Variants in SCP2 observed in about 807,000 individuals in gnomAD.
The protein encoded by SCP2 is SCP-2/3-oxoacyl-CoA thiolase.
In SCP2, 48 loss-of-function variants were observed where a neutral mutation model predicts 71.4. The ratio of observed to expected loss-of-function variants is 0.67; its 90% CI spans 0.53 to 0.86. The LOEUF is 0.86. Ranked by LOEUF, SCP2 falls within the 40% of genes least tolerant of loss-of-function variation. The probability of loss-of-function intolerance (pLI) is 0.00; values close to 1 mark genes in which losing one functional copy is unlikely to be tolerated. For synonymous variants in SCP2, 220 were observed against 218.1 expected (o/e 1.01, Z -0.08); for missense variants, 560 against 655.6 (o/e 0.85, Z 1.59).
intron 11 of SCP2, among the ~76,000 whole-genome samples, chr1:53,003,000 T>A (rs1366432306): frequency 1.3e-5 from 2 of 152,226 alleles, no homozygotes; most frequent in African/African-American, 4.8e-5. Flanking sequence ...CACCAAAATT[T>A]CTTTTTTACC....
chr1:53,001,357 A>T (rs1477652253), intron 11 of SCP2, among the ~76,000 whole-genome samples: 2 of 152,152 alleles, frequency 1.3e-5, no homozygotes, highest in African/African-American at 4.8e-5. Context: ...ATTTCTATCT[A>T]CTTGAGTTTT....
At chr1:53,022,572 T>C (rs549086668) in intron 12 of SCP2, among the ~76,000 whole-genome samples, 125 of 152,358 alleles carry the variant, frequency 8.2e-4, no homozygotes, top group Non-Finnish European at 1.4e-3. Context: ...GAGAGCTCTT[T>C]CACAATCACT....
intron 3 of SCP2, 93 bp from the exon 4 acceptor site, chr1:52,950,661 CA>C: frequency 1.0e-6 from 1 of 981,606 alleles, no homozygotes; most frequent in Non-Finnish European, 1.6e-6. Flanking sequence ...ATATGCTAGG[CA>C]AAGGTATAAT....
intron 14 of SCP2, among the ~76,000 whole-genome samples, chr1:53,047,395 C>T (rs1281792318): frequency 1.3e-5 from 2 of 152,190 alleles, no homozygotes; most frequent in African/African-American, 2.4e-5. Flanking sequence ...AGGAGGGTCA[C>T]CTTAGAGTCT....
In SCP2 at chr1:53,037,032, AAGGCTG is replaced by A. The variant is rs1662998201; in HGVS notation, c.1339-1880_1339-1875del. Among the ~76,000 whole-genome samples the A allele has an allele frequency of 1.3e-5, 2 of 152,008 alleles. 1 individual carries two copies. The highest frequency in any genetic ancestry group is 4.2e-4 in the South Asian group (2 of 4,800). Reference sequence around the variant, plus strand: ...GTGTGCTGTAGTCCCAGCTACTCAGAAGGCTGAGGCAAGAGAATCGCTCGAACCCAG... The same window carrying A: ...GTGTGCTGTAGTCCCAGCTACTCAGAAGGCAAGAGAATCGCTCGAACCCAG... On this transcript the variant is annotated intron_variant, in intron 13 of 15. Coordinates refer to ENST00000371514, the MANE Select transcript of SCP2 (RefSeq NM_002979.5).
At position 53,037,422 on chromosome 1, in the gene SCP2, A is replaced by C. The variant is rs59821851; in HGVS notation, c.1339-1495A>C. On this transcript the variant is annotated intron_variant, in intron 13 of 15. Transcript: ENST00000371514. ...GTCATAGTGATCATAGCGTATTGAC[A>C]TTACTTACTTTTCTGACTCCTATCT... Among the ~76,000 whole-genome samples the C allele has an allele frequency of 8.9e-3, 1,347 of 152,142 alleles. 109 individuals are homozygous for C. In the East Asian group the frequency reaches 0.2, roughly 22 times the overall value.
intron 11 of SCP2, among the ~76,000 whole-genome samples, chr1:53,008,496 A>G (rs1266820254): frequency 6.6e-6 from 1 of 152,232 alleles, no homozygotes. Context: ...AATAAATGTA[A>G]TCCATCATAT....
chr1:53,001,934 C>T (rs1660342781), intron 11 of SCP2, among the ~76,000 whole-genome samples: 1 of 152,078 alleles, frequency 6.6e-6, no homozygotes, highest in Admixed American at 6.5e-5. Flanking sequence ...CCTGTAATCC[C>T]AGCACTTTGG....
intron 6 of SCP2, among the ~76,000 whole-genome samples, chr1:52,972,079 A>G (rs1056822650): frequency 3.3e-5 from 5 of 152,158 alleles, no homozygotes; most frequent in African/African-American, 1.2e-4. Context: ...TTCATTCGAC[A>G]GATTTCTAAA....
At chr1:52,976,240 G>T (rs997743968) in intron 7 of SCP2, among the ~76,000 whole-genome samples, 4 of 152,016 alleles carry the variant, frequency 2.6e-5, no homozygotes, top group African/African-American at 9.7e-5. Flanking sequence ...CAGCATGCTA[G>T]ATTAAATCAC....
intron 1 of SCP2, among the ~76,000 whole-genome samples, chr1:52,938,816 T>C (rs1360257128): frequency 6.6e-6 from 1 of 152,232 alleles, no homozygotes; most frequent in Admixed American, 6.5e-5. Context: ...CCAGAGACCA[T>C]AATTTACTTT....
At chr1:53,018,683 G>A (rs999268255) in intron 12 of SCP2, among the ~76,000 whole-genome samples, 22 of 151,724 alleles carry the variant, frequency 1.5e-4, no homozygotes, top group African/African-American at 4.8e-4. Context: ...AGAGGTTGGG[G>A]TGAGCTGAGA....
chr1:53,012,122 G>A (rs867872085), intron 11 of SCP2, among the ~76,000 whole-genome samples: 2 of 152,116 alleles, frequency 1.3e-5, no homozygotes, highest in African/African-American at 4.8e-5. Flanking sequence ...ACCTTTCTGT[G>A]TAAAAACTAG....
chr1:52,945,051 C>T (rs547915893), intron 2 of SCP2, among the ~76,000 whole-genome samples: 122 of 152,050 alleles, frequency 8.0e-4, no homozygotes, highest in African/African-American at 2.6e-3. Flanking sequence ...TTTATTGTAA[C>T]GAATAATTAT....
chr1:52,956,465 C>T (rs370305576), intron 5 of SCP2, among the ~76,000 whole-genome samples: 6 of 152,228 alleles, frequency 3.9e-5, no homozygotes, highest in African/African-American at 1.4e-4. Flanking sequence ...TTAGAAACCA[C>T]AAAAGTGGCA....
chr1:52,999,028 G>A (rs1660132522), intron 11 of SCP2, among the ~76,000 whole-genome samples: 1 of 152,078 alleles, frequency 6.6e-6, no homozygotes, highest in Admixed American at 6.5e-5. Flanking sequence ...CTACACTGTT[G>A]GTAAATTTTT....
intron 11 of SCP2, among the ~76,000 whole-genome samples, chr1:52,990,232 A>C (rs1156351631): frequency 6.6e-6 from 1 of 151,680 alleles, no homozygotes; most frequent in Non-Finnish European, 1.5e-5. Flanking sequence ...TTTGATTTTT[A>C]GAGAAGCTAC....
chr1:53,027,216 G>A (rs1662195383), intron 12 of SCP2, among the ~76,000 whole-genome samples: 1 of 151,794 alleles, frequency 6.6e-6, no homozygotes, highest in African/African-American at 2.4e-5. Context: ...CACCACACCA[G>A]GCCAATTTTT....
chr1:52,963,169 C>G (rs551313055), intron 6 of SCP2, among the ~76,000 whole-genome samples: 32 of 152,174 alleles, frequency 2.1e-4, no homozygotes, highest in African/African-American at 7.7e-4. Context: ...TATCCTCTTT[C>G]TTAGATAGCT....
Sources: allele counts gnomAD v4.1 joint callset (sites outside exome capture counted in the v4.1 genomes callset), GRCh38; gene constraint gnomAD v4.1.1; transcripts MANE v1.5; gene names NCBI Gene and HGNC (gene_info 2026-07-23, HGNC 2026-07-21).